Variants in MAP3K1 observed in about 807,000 individuals in gnomAD.
MAP3K1 encodes the protein mitogen-activated protein kinase kinase kinase 1, also known as MAP/ERK kinase kinase 1.
A neutral mutation model predicts 144.2 loss-of-function variants in MAP3K1; 36 were observed. That is an observed-to-expected ratio of 0.25 (90% confidence interval 0.19 to 0.33). The LOEUF (loss-of-function observed/expected upper bound fraction) is 0.33. Ranked by LOEUF, MAP3K1 falls within the 10% of genes least tolerant of loss-of-function variation. The pLI is 1.00. For synonymous variants in MAP3K1, 718 were observed against 688.7 expected (o/e 1.04, Z -0.67); for missense variants, 1,650 against 1,881.9 (o/e 0.88, Z 2.28).
At position 56,882,591 on chromosome 5, in the gene MAP3K1, A is replaced by G; in HGVS notation, c.3391A>G (p.Ser1131Gly). The G allele has an allele frequency of 6.2e-7, 1 of 1,614,160 alleles. No homozygotes were observed. Among genetic ancestry groups the G allele is most frequent in the Non-Finnish European group, 8.5e-7 (1 of 1,179,990 alleles). Residue 1131 changes from serine to glycine, a missense_variant, in exon 14 of 20, where the codon AGT becomes GGT. Coordinates refer to ENST00000399503, the MANE Select transcript of MAP3K1 (RefSeq NM_005921.2). ...AGATGTCAATACAGAGCTCAACTCC[A>G]GTATTGAGGACCTTCTTGAAGCATC... Reference protein sequence around the residue: ...RLDVNTELNSSIEDLLEASMP... With the variant: ...RLDVNTELNSGIEDLLEASMP...
Position 56,893,751 on chromosome 5 carries a change from A to AAG in MAP3K1, c.*71_*72insAG. ...AGAAAAAAAACTTGTGGGGAACCAC[A>AAG]TTGATATTCTACTGGCCATGATGCC... On this transcript the variant is annotated 3_prime_UTR_variant, in exon 20 of 20. Coordinates refer to ENST00000399503, the MANE Select transcript of MAP3K1 (RefSeq NM_005921.2). 1.3e-6 allele frequency: 2 copies of AAG among 1,536,046 alleles called. No individual in the cohort carries two copies. The highest frequency in any genetic ancestry group is 1.1e-5 in the South Asian group (1 of 87,484).
chr5:56,839,774 G>T (rs908275573), intron 1 of MAP3K1, among the ~76,000 whole-genome samples: 2 of 152,184 alleles, frequency 1.3e-5, no homozygotes, highest in Non-Finnish European at 1.5e-5. Flanking sequence ...GAGAATGTGG[G>T]TGTTTGTTAA....
chr5:56,829,090 G>A (rs183521407), intron 1 of MAP3K1, among the ~76,000 whole-genome samples: 1 of 151,992 alleles, frequency 6.6e-6, no homozygotes, highest in Non-Finnish European at 1.5e-5. Flanking sequence ...CTTGGAATAA[G>A]ACTGTTTAAC....
chr5:56,856,991 GC>G (rs1747362624), intron 2 of MAP3K1, among the ~76,000 whole-genome samples: 2 of 152,126 alleles, frequency 1.3e-5, no homozygotes, highest in African/African-American at 4.8e-5. Context: ...AACCAAGACT[GC>G]CCTCTCATGT....
intron 18 of MAP3K1, chr5:56,887,983 G>GT: frequency 1.8e-6 from 1 of 551,962 alleles, no homozygotes; most frequent in Admixed American, 3.1e-5. Flanking sequence ...TTGCCACATA[G>GT]TTTGCTAAGA....
At chr5:56,876,489 C>T (rs1247831214) in intron 10 of MAP3K1, among the ~76,000 whole-genome samples, 1 of 152,192 alleles carries the variant, frequency 6.6e-6, no homozygotes, top group Non-Finnish European at 1.5e-5. Context: ...TACAGCATGA[C>T]AGTTACGAAC....
intron 19 of MAP3K1, among the ~76,000 whole-genome samples, chr5:56,891,656 G>A (rs1748553609): frequency 1.3e-5 from 2 of 152,120 alleles, no homozygotes; most frequent in Admixed American, 1.3e-4. Flanking sequence ...TTCTTCTAGG[G>A]TTTTTATGGT....
chr5:56,862,496 C>T (rs1012403392), intron 3 of MAP3K1, among the ~76,000 whole-genome samples: 4 of 152,176 alleles, frequency 2.6e-5, no homozygotes, highest in Non-Finnish European at 4.4e-5. Context: ...CCCCCAAAAC[C>T]CACTTTGGGC....
At chr5:56,893,100 T>C (rs567525276) in intron 19 of MAP3K1, among the ~76,000 whole-genome samples, 2 of 152,328 alleles carry the variant, frequency 1.3e-5, no homozygotes, top group East Asian at 3.8e-4. Context: ...GTGTTTTCTA[T>C]GTATTAAATT....
chr5:56,823,266 C>T (rs73133594), intron 1 of MAP3K1, among the ~76,000 whole-genome samples: 149 of 152,280 alleles, frequency 9.8e-4, no homozygotes, highest in African/African-American at 3.4e-3. Flanking sequence ...GGCAGGGTTG[C>T]GTGCTTTCAT....
intron 1 of MAP3K1, among the ~76,000 whole-genome samples, chr5:56,823,958 A>G (rs994362114): frequency 6.6e-6 from 1 of 152,226 alleles, no homozygotes; most frequent in Admixed American, 6.5e-5. Flanking sequence ...GGTGTCATGC[A>G]TTAATATAAT....
At chr5:56,866,257 A>G (rs1045977032) in intron 6 of MAP3K1, among the ~76,000 whole-genome samples, 1 of 152,076 alleles carries the variant, frequency 6.6e-6, no homozygotes, top group African/African-American at 2.4e-5. Flanking sequence ...TACAGAAGTA[A>G]AATAATTAGC....
At chr5:56,867,092 A>G (rs1475327002) in intron 6 of MAP3K1, among the ~76,000 whole-genome samples, 1 of 152,180 alleles carries the variant, frequency 6.6e-6, no homozygotes, top group Non-Finnish European at 1.5e-5. Context: ...TCAGCGTCCC[A>G]AAGTGCTGGG....
At chr5:56,835,646 G>T (rs1443191827) in intron 1 of MAP3K1, among the ~76,000 whole-genome samples, 2 of 151,800 alleles carry the variant, frequency 1.3e-5, no homozygotes, top group Non-Finnish European at 2.9e-5. Context: ...GGAGGGAGAT[G>T]GGAGAGAAAT....
chr5:56,883,891 G>A (rs1311215676), intron 15 of MAP3K1, among the ~76,000 whole-genome samples: 2 of 152,170 alleles, frequency 1.3e-5, no homozygotes, highest in South Asian at 2.1e-4. Context: ...GCTCACACCT[G>A]TAATCCCAGC....
rs1038193627 is a variant in MAP3K1 at position 56,882,149 on chromosome 5, G to A, written c.2949G>A (p.Leu983=). ...SHHSQLMFPA[L]STPSSSTPSV... ...ATTCCCAATTAATGTTTCCAGCCTT[G>A]TCAACCCCTTCTTCTTCTACCCCAT... is the stretch of plus-strand genomic sequence containing the variant. The change falls in exon 14 of 20, where the codon TTG becomes TTA. Residue 983 remains leucine (L), a synonymous_variant. Transcript: ENST00000399503. 1 of 1,613,914 alleles carries A rather than the reference G, an allele frequency of 6.2e-7. No individual in the cohort carries two copies. The highest frequency in any genetic ancestry group is 1.3e-5 in the African/African-American group (1 of 74,888).
intron 8 of MAP3K1, 45 bp from the exon 9 acceptor site, chr5:56,872,780 T>C (rs746907952): frequency 6.2e-7 from 1 of 1,609,294 alleles, no homozygotes. Flanking sequence ...TCAGTGTGGT[T>C]TGTCTTAATT....
At chr5:56,854,432 CAAAAAAAAA>C (rs10647091) in intron 1 of MAP3K1, among the ~76,000 whole-genome samples, 14 of 85,324 alleles carry the variant, frequency 1.6e-4, no homozygotes, top group Non-Finnish European at 6.5e-5. Flanking sequence ...AACTCCATCT[CAAAAAAAAA>C]AAAAAAAAAG....
chr5:56,818,520 T>C (rs1233385197), intron 1 of MAP3K1, among the ~76,000 whole-genome samples: 1 of 152,142 alleles, frequency 6.6e-6, no homozygotes, highest in Non-Finnish European at 1.5e-5. Context: ...TATAAATAAA[T>C]AATACTCGTA....
Sources: allele counts gnomAD v4.1 joint callset (sites outside exome capture counted in the v4.1 genomes callset), GRCh38; gene constraint gnomAD v4.1.1; transcripts MANE v1.5; gene names NCBI Gene and HGNC (gene_info 2026-07-23, HGNC 2026-07-21).